The following ZCWPW2 variants were observed in gnomAD, a reference collection of about 807,000 sequenced individuals.
ZCWPW2 encodes the protein zinc finger CW-type PWWP domain protein 2.
Under a neutral mutation model 46.6 loss-of-function variants are expected in ZCWPW2, and 45 were observed. The ratio of observed to expected loss-of-function variants is 0.96; its 90% CI spans 0.76 to 1.24. The LOEUF is 1.24. ZCWPW2 is among the 50% of genes most tolerant of loss of function. The probability of loss-of-function intolerance (pLI) is 0.00; values close to 1 mark genes in which losing one functional copy is unlikely to be tolerated. For missense variants in ZCWPW2, 429 were observed against 403.9 expected, an observed-to-expected ratio of 1.06 and a Z score of -0.53; for synonymous variants, 152 against 137.1, an observed-to-expected ratio of 1.11 and a Z score of -0.76.
intron 6 of ZCWPW2, chr3:28,510,892 T>A (rs186003525): frequency 3.1e-6 from 1 of 320,004 alleles, no homozygotes; most frequent in Non-Finnish European, 6.3e-6. Context: ...ACTGTGCATG[T>A]CCACTGAGGA....
intron 5 of ZCWPW2, among the ~76,000 whole-genome samples, chr3:28,481,812 G>T (rs910719937): frequency 2.6e-5 from 4 of 152,054 alleles, no homozygotes; most frequent in Non-Finnish European, 5.9e-5. Context: ...AGGATTTAAA[G>T]CAAATAAGTA....
intron 4 of ZCWPW2, among the ~76,000 whole-genome samples, chr3:28,452,211 G>A (rs2125780727): frequency 6.6e-6 from 1 of 152,270 alleles, no homozygotes; most frequent in East Asian, 1.9e-4. Context: ...GGATAGCTCT[G>A]CTACTTACTA....
intron 3 of ZCWPW2, among the ~76,000 whole-genome samples, chr3:28,414,224 CT>C (rs890463736): frequency 2.7e-5 from 4 of 149,606 alleles, no homozygotes; most frequent in Admixed American, 2.7e-4. Flanking sequence ...AATTTTTTTT[CT>C]TTTTTTTCTG....
intron 2 of ZCWPW2, among the ~76,000 whole-genome samples, chr3:28,412,211 TTATTTA>T (rs1003386243): frequency 6.6e-6 from 1 of 151,674 alleles, no homozygotes; most frequent in Non-Finnish European, 1.5e-5. Flanking sequence ...TACTTGTATT[TTATTTA>T]TATTTATTTA....
At chr3:28,401,283 T>A (rs966762843) in intron 2 of ZCWPW2, among the ~76,000 whole-genome samples, 1 of 151,964 alleles carries the variant, frequency 6.6e-6, no homozygotes, top group African/African-American at 2.4e-5. Flanking sequence ...AATACTAACA[T>A]TGAATGTAAA....
intron 9 of ZCWPW2, among the ~76,000 whole-genome samples, chr3:28,521,917 A>G (rs1283013511): frequency 6.6e-6 from 1 of 152,206 alleles, no homozygotes; most frequent in African/African-American, 2.4e-5. Flanking sequence ...ACTCTGAAAT[A>G]TAATCCTGTG....
chr3:28,365,720 C>G (rs1705099782), intron 1 of ZCWPW2, among the ~76,000 whole-genome samples: 1 of 140,940 alleles, frequency 7.1e-6, no homozygotes, highest in Non-Finnish European at 1.6e-5. Flanking sequence ...GACATTGAAT[C>G]TATAAATTAC....
intron 6 of ZCWPW2, among the ~76,000 whole-genome samples, chr3:28,507,750 T>C (rs1700317486): frequency 6.6e-6 from 1 of 152,198 alleles, no homozygotes; most frequent in Admixed American, 6.5e-5. Context: ...TATTCAATGC[T>C]AGGTTTAATA....
chr3:28,445,276 T>C (rs1697944359), intron 4 of ZCWPW2, among the ~76,000 whole-genome samples: 1 of 151,884 alleles, frequency 6.6e-6, no homozygotes, highest in South Asian at 2.1e-4. Context: ...TAAAAGCTAG[T>C]ATATGTAACT....
At chr3:28,523,872 A>G (rs947966216) in intron 9 of ZCWPW2, among the ~76,000 whole-genome samples, 12 of 152,142 alleles carry the variant, frequency 7.9e-5, no homozygotes, top group African/African-American at 2.9e-4. Flanking sequence ...TTAGATTTTT[A>G]TAAATCCACC....
intron 4 of ZCWPW2, among the ~76,000 whole-genome samples, chr3:28,455,228 A>G (rs1300943099): frequency 1.3e-5 from 2 of 152,120 alleles, no homozygotes; most frequent in Non-Finnish European, 2.9e-5. Context: ...TATTTTTCTA[A>G]TGATCAGTGA....
chr3:28,492,437 AATTAT>A (rs1424245525), intron 6 of ZCWPW2, among the ~76,000 whole-genome samples: 1 of 152,056 alleles, frequency 6.6e-6, no homozygotes, highest in African/African-American at 2.4e-5. Flanking sequence ...TTTTTACTTA[AATTAT>A]ATTTCATATA....
intron 4 of ZCWPW2, among the ~76,000 whole-genome samples, chr3:28,438,347 G>T (rs917905381): frequency 1.2e-4 from 19 of 152,096 alleles, no homozygotes; most frequent in African/African-American, 4.3e-4. Context: ...TTTTCCTCTT[G>T]TGAAAGCCAG....
At chr3:28,508,308 C>T (rs1700334238) in intron 6 of ZCWPW2, among the ~76,000 whole-genome samples, 1 of 152,010 alleles carries the variant, frequency 6.6e-6, no homozygotes, top group Admixed American at 6.6e-5. Context: ...ATTATTGCAC[C>T]AATATTTTAG....
chr3:28,518,879 A>C (rs1389744721), intron 8 of ZCWPW2, among the ~76,000 whole-genome samples: 1 of 152,214 alleles, frequency 6.6e-6, no homozygotes, highest in African/African-American at 2.4e-5. Context: ...GCAGTCATCT[A>C]TTAACAGGTT....
chr3:28,439,192 A>G (rs1697630385), intron 4 of ZCWPW2, among the ~76,000 whole-genome samples: 1 of 148,542 alleles, frequency 6.7e-6, no homozygotes, highest in African/African-American at 2.4e-5. Flanking sequence ...TTTATTAAGT[A>G]TTAACTTACA....
At chr3:28,398,536 AC>A (rs1559488262) in intron 2 of ZCWPW2, among the ~76,000 whole-genome samples, 1 of 152,136 alleles carries the variant, frequency 6.6e-6, no homozygotes, top group Non-Finnish European at 1.5e-5. Context: ...AAATCAAGAA[AC>A]CTGAGAGGAT....
chr3:28,373,105 G>T (rs1274108762), intron 1 of ZCWPW2, among the ~76,000 whole-genome samples: 2 of 152,102 alleles, frequency 1.3e-5, no homozygotes, highest in Non-Finnish European at 2.9e-5. Context: ...ATTGTGAATA[G>T]TGCTACAATA....
intron 5 of ZCWPW2, among the ~76,000 whole-genome samples, chr3:28,485,961 T>A (rs1287870851): frequency 1.3e-5 from 2 of 152,106 alleles, no homozygotes; most frequent in Admixed American, 6.5e-5. Context: ...TATACTTTTT[T>A]AAAACTTTTT....
Sources: allele counts gnomAD v4.1 joint callset (sites outside exome capture counted in the v4.1 genomes callset), GRCh38; gene constraint gnomAD v4.1.1; transcripts MANE v1.5; gene names NCBI Gene and HGNC (gene_info 2026-07-23, HGNC 2026-07-21).